The following RBAK variants were observed in gnomAD, a reference collection of about 807,000 sequenced individuals.
The protein encoded by RBAK is RB associated KRAB zinc finger.
In RBAK, 39 loss-of-function variants were observed where a neutral mutation model predicts 65.8. That is an observed-to-expected ratio of 0.59 (90% confidence interval 0.46 to 0.77). The LOEUF (loss-of-function observed/expected upper bound fraction) is 0.77, where lower values mean the gene tolerates loss of function less well. Among genes scored for constraint, RBAK ranks in the 30% least tolerant of loss-of-function variants. The pLI is 0.00. For synonymous variants in RBAK, 343 were observed against 289.7 expected, an observed-to-expected ratio of 1.18 and a Z score of -1.87; for missense variants, 884 against 855.1, an observed-to-expected ratio of 1.03 and a Z score of -0.42.
intron 2 of RBAK, among the ~76,000 whole-genome samples, chr7:5,049,645 G>C (rs997188841): frequency 2.0e-5 from 3 of 151,922 alleles, no homozygotes; most frequent in Non-Finnish European, 2.9e-5. Context: ...CTCTTTTCTT[G>C]GCTTTTAAAA....
At chr7:5,063,126 A>G (rs1030178383) in intron 4 of RBAK, among the ~76,000 whole-genome samples, 1 of 152,226 alleles carries the variant, frequency 6.6e-6, no homozygotes, top group East Asian at 1.9e-4. Context: ...TGAAATCTTC[A>G]CAATTTATGT....
intron 4 of RBAK, among the ~76,000 whole-genome samples, chr7:5,058,232 G>A (rs1778976082): frequency 6.6e-6 from 1 of 151,934 alleles, no homozygotes; most frequent in South Asian, 2.1e-4. Flanking sequence ...ATGCCACCAC[G>A]CCTGGCTAAT....
intron 2 of RBAK, among the ~76,000 whole-genome samples, chr7:5,050,773 T>C (rs2115027328): frequency 6.6e-6 from 1 of 152,140 alleles, no homozygotes. Flanking sequence ...CAGGTTTTGC[T>C]ATGTTGCCCA....
intron 2 of RBAK, 47 bp from the exon 3 acceptor site, chr7:5,057,248 C>T (rs1778946348): frequency 1.2e-6 from 2 of 1,613,278 alleles, no homozygotes; most frequent in Non-Finnish European, 1.7e-6. Flanking sequence ...CGTTATCCCC[C>T]TATCCCTTTT....
intron 4 of RBAK, among the ~76,000 whole-genome samples, chr7:5,061,447 C>G (rs887746102): frequency 1.8e-5 from 2 of 113,656 alleles, no homozygotes; most frequent in Admixed American, 9.4e-5. Context: ...TTTTGTTTTT[C>G]TTTTTCTTTT....
intron 2 of RBAK, among the ~76,000 whole-genome samples, chr7:5,055,099 G>C (rs1788198111): frequency 6.6e-6 from 1 of 152,026 alleles, no homozygotes; most frequent in Admixed American, 6.6e-5. Flanking sequence ...CTTTTTCTTA[G>C]TTATATTCCT....
Position 5,048,747 on chromosome 7 carries a change from C to G in RBAK, c.15+656C>G, listed in dbSNP as rs1476082111. 1.3e-5 allele frequency among the ~76,000 whole-genome samples: 2 copies of G among 152,122 alleles called. No individual in the cohort carries two copies. The highest frequency in any genetic ancestry group is 1.5e-5 in the Non-Finnish European group (1 of 68,034). ...GAAAAGAGGTTTAATTGGCTCACGC[C>G]TGCAGGCTCTATCATAGGAAGCATG... On this transcript the variant is annotated intron_variant, in intron 2 of 4. Coordinates refer to ENST00000396912, the MANE Select transcript of RBAK (RefSeq NM_021163.4). The surrounding 1 kb of genome is among the most constrained non-coding windows in gnomAD (Gnocchi z 4.4).
chr7:5,053,374 A>G (rs920289142), intron 2 of RBAK, among the ~76,000 whole-genome samples: 1 of 152,098 alleles, frequency 6.6e-6, no homozygotes, highest in Non-Finnish European at 1.5e-5. Flanking sequence ...TCCCCTGTAT[A>G]TAACATGTCT....
intron 4 of RBAK, among the ~76,000 whole-genome samples, chr7:5,058,063 GT>G (rs1778972634): frequency 2.7e-4 from 8 of 30,050 alleles, no homozygotes; most frequent in Admixed American, 2.2e-3. Context: ...ATTGTTTTGG[GT>G]TTGTTTGTTT....
intron 4 of RBAK, among the ~76,000 whole-genome samples, chr7:5,062,994 G>T (rs1338084877): frequency 6.6e-6 from 1 of 152,152 alleles, no homozygotes; most frequent in East Asian, 1.9e-4. Flanking sequence ...AATTTGTGCA[G>T]TTAACGCAAT....
chr7:5,058,063 G>C (rs1455315048), intron 4 of RBAK, among the ~76,000 whole-genome samples: 1 of 30,052 alleles, frequency 3.3e-5, no homozygotes, highest in Non-Finnish European at 5.9e-5. Flanking sequence ...ATTGTTTTGG[G>C]TTTGTTTGTT....
At chr7:5,060,523 A>G (rs1779044700) in intron 4 of RBAK, among the ~76,000 whole-genome samples, 1 of 152,262 alleles carries the variant, frequency 6.6e-6, no homozygotes, top group South Asian at 2.1e-4. Context: ...TTAAGAAGCT[A>G]TTTTAAAATG....
At chr7:5,054,832 AG>A (rs1788190075) in intron 2 of RBAK, among the ~76,000 whole-genome samples, 2 of 152,296 alleles carry the variant, frequency 1.3e-5, no homozygotes, top group South Asian at 4.1e-4. Flanking sequence ...ATCTAGTTCC[AG>A]GAAAAAGCTT....
chr7:5,049,181 A>G (rs912478088), intron 2 of RBAK, among the ~76,000 whole-genome samples: 12 of 152,166 alleles, frequency 7.9e-5, no homozygotes, highest in Admixed American at 5.2e-4. Context: ...CCTAATAACA[A>G]CCATTAAGTT....
At chr7:5,057,456 G>A in intron 3 of RBAK, 35 bp downstream of exon 3, 2 of 1,614,092 alleles carry the variant, frequency 1.2e-6, no homozygotes, top group South Asian at 1.1e-5. Flanking sequence ...GCTCTCAGTT[G>A]AATGGGGTTT....
At chr7:5,060,942 G>A (rs1368952375) in intron 4 of RBAK, among the ~76,000 whole-genome samples, 1 of 152,092 alleles carries the variant, frequency 6.6e-6, no homozygotes, top group Non-Finnish European at 1.5e-5. Flanking sequence ...AAAAATAAAA[G>A]TACATCATAG....
intron 4 of RBAK, among the ~76,000 whole-genome samples, chr7:5,060,235 G>A (rs1469809442): frequency 2.0e-5 from 3 of 152,116 alleles, no homozygotes; most frequent in Non-Finnish European, 4.4e-5. Flanking sequence ...GACTTACCAA[G>A]GAGCTAGGTA....
chr7:5,052,906 C>G (rs1209324157), intron 2 of RBAK, among the ~76,000 whole-genome samples: 1 of 152,002 alleles, frequency 6.6e-6, no homozygotes, highest in African/African-American at 2.4e-5. Context: ...ATTACAGACA[C>G]CCACCACCAC....
In RBAK at chr7:5,067,679, C is replaced by A. The variant is rs1779252541; in HGVS notation, c.*2078C>A. The A allele has an allele frequency of 6.6e-6, 1 of 152,074 alleles. No individual in the cohort carries two copies. Among genetic ancestry groups the A allele is most frequent in the East Asian group, 1.9e-4 (1 of 5,196 alleles). The allele number at this position is 152,074 out of a possible 1,614,324, so 9.4% of individuals were successfully genotyped here. ...GGATTGAAATTTCTAAATATCAAGA[C>A]CTGTTATAAAGCCATAGAAATAATG... On this transcript the variant is annotated 3_prime_UTR_variant, in exon 5 of 5. Transcript: ENST00000396912.
Sources: gnomAD v4.1 joint callset for allele counts (sites outside exome capture counted in the v4.1 genomes callset) on GRCh38, gnomAD v4.1.1 for gene constraint, Gnocchi (gnomAD v3.1) non-coding constraint, MANE v1.5 for transcripts, NCBI Gene and HGNC (gene_info 2026-07-23, HGNC 2026-07-21) for gene names.